Variants in LRP8 observed in about 807,000 individuals in gnomAD.
LRP8 encodes LDL receptor related protein 8, also known as low-density lipoprotein receptor-related protein 8.
Under a neutral mutation model 111.6 loss-of-function variants are expected in LRP8, and 46 were observed. The observed-to-expected ratio is 0.41, with a 90% CI of 0.33 to 0.53. The LOEUF (loss-of-function observed/expected upper bound fraction) is 0.53. LRP8 is among the 20% of genes least tolerant of loss of function. LRP8 has a pLI of 0.20. For synonymous variants in LRP8, 464 were observed against 511.2 expected (o/e 0.91, Z 1.24); for missense variants, 959 against 1,297.4 (o/e 0.74, Z 4.01).
Position 53,249,076 on chromosome 1 carries a change from C to G in LRP8, c.2853+304G>C, listed in dbSNP as rs927117039. Reference sequence around the variant, plus strand: ...CAAGCAACTATTTTTTTGGACTGGCCGAGGTTAAGGATCCTCAAGGCCATC... The same window carrying G: ...CAAGCAACTATTTTTTTGGACTGGCGGAGGTTAAGGATCCTCAAGGCCATC... On this transcript the variant is annotated intron_variant, in intron 18 of 18. Transcript: ENST00000306052. The surrounding 1 kb of genome is among the most constrained non-coding windows in gnomAD (Gnocchi z 4.1). 1.3e-5 allele frequency among the ~76,000 whole-genome samples: 2 copies of G among 152,108 alleles called. No individual in the cohort carries two copies. Among genetic ancestry groups the G allele is most frequent in the East Asian group, 3.9e-4 (2 of 5,190 alleles).
At chr1:53,319,396 C>T (rs1465405874) in intron 2 of LRP8, among the ~76,000 whole-genome samples, 5 of 152,184 alleles carry the variant, frequency 3.3e-5, no homozygotes, top group Admixed American at 2.6e-4. Flanking sequence ...TTCCAAGGGG[C>T]AGGCGTGTAG....
intron 16 of LRP8, among the ~76,000 whole-genome samples, chr1:53,252,734 A>G (rs943322794): frequency 1.3e-5 from 2 of 152,202 alleles, no homozygotes; most frequent in African/African-American, 4.8e-5. Context: ...TTAATATAAT[A>G]AAAAGGTATA....
chr1:53,326,696 T>A (rs2100559545), intron 2 of LRP8, among the ~76,000 whole-genome samples, 177 bp downstream of exon 2: 1 of 152,226 alleles, frequency 6.6e-6, no homozygotes, highest in Admixed American at 6.5e-5. Context: ...TCCGGGTCGC[T>A]AAGAGCCACC....
At chr1:53,300,048 G>A (rs920217660) in intron 2 of LRP8, among the ~76,000 whole-genome samples, 16 of 152,206 alleles carry the variant, frequency 1.1e-4, no homozygotes, top group East Asian at 3.9e-4. Flanking sequence ...AGTCCTCTCC[G>A]TAATCAAAGA....
chr1:53,250,614 A>G lies in LRP8; in HGVS notation c.2676+76T>C. ...GAGGGAAGAAAGGATGGGAAGGAAGAAAGGATGGGAGGGGAAGAAAGGATG... is the reference window on the plus strand; with the variant it reads ...GAGGGAAGAAAGGATGGGAAGGAAGGAAGGATGGGAGGGGAAGAAAGGATG... On this transcript the variant is annotated intron_variant, in intron 17 of 18. Transcript: ENST00000306052. This position sits in a 1 kb window ranked among gnomAD's most constrained non-coding sequence, Gnocchi z 4.6. 1 of 1,322,094 alleles carries G rather than the reference A, an allele frequency of 7.6e-7. No individual in the cohort carries two copies. Among genetic ancestry groups the G allele is most frequent in the South Asian group, 1.3e-5 (1 of 77,452 alleles). The allele number at this position is 1,322,094 out of a possible 1,614,324, so 81.9% of individuals were successfully genotyped here.
chr1:53,253,354 AT>A (rs1438619223), intron 16 of LRP8, among the ~76,000 whole-genome samples: 8 of 152,316 alleles, frequency 5.3e-5, no homozygotes, highest in Non-Finnish European at 1.2e-4. Flanking sequence ...TGTAACATAT[AT>A]TTTAAAGGTT....
At position 53,271,131 on chromosome 1, in the gene LRP8, T is replaced by G; in HGVS notation, c.1149A>C (p.Pro383=). 6.2e-7 allele frequency: 1 copy of G among 1,614,032 alleles called. No homozygotes were observed. The highest frequency in any genetic ancestry group is 1.6e-4 in the Middle Eastern group (1 of 6,062). Residue 383 remains proline (P), a synonymous_variant, in exon 8 of 19, where the codon CCA becomes CCC. Transcript: ENST00000306052. ...TGACACAGATCTGGCTGCAGGCATCTGGGTCCTTGCACTCATCAATGTCTG... is the reference window on the plus strand; with the variant it reads ...TGACACAGATCTGGCTGCAGGCATCGGGGTCCTTGCACTCATCAATGTCTG... ...TCGDIDECKD[P]DACSQICVNY...
intron 2 of LRP8, among the ~76,000 whole-genome samples, chr1:53,307,085 TA>T (rs908581612): frequency 5.3e-5 from 8 of 151,916 alleles, no homozygotes; most frequent in Non-Finnish European, 1.0e-4. Flanking sequence ...CAATACTGAG[TA>T]GGGGGGGTGG....
In LRP8 at chr1:53,317,641, C is replaced by CCT. The variant is rs1653978824; in HGVS notation, c.244+9231_244+9232insAG. ...CCATTCCCTGTGCAGGAATCACAGGCTCAGGAAGGGAAGGGAAACGCTCAT... is the reference window on the plus strand; with the variant it reads ...CCATTCCCTGTGCAGGAATCACAGGCCTTCAGGAAGGGAAGGGAAACGCTCAT... On this transcript the variant is annotated intron_variant, in intron 2 of 18. Transcript: ENST00000306052. This position sits in a 1 kb window ranked among gnomAD's most constrained non-coding sequence, Gnocchi z 4.9. Among the ~76,000 whole-genome samples the CCT allele has an allele frequency of 6.6e-6, 1 of 152,220 alleles. No homozygotes were observed. Among genetic ancestry groups the CCT allele is most frequent in the Non-Finnish European group, 1.5e-5 (1 of 68,038 alleles).
chr1:53,302,690 T>C (rs1651158393), intron 2 of LRP8, among the ~76,000 whole-genome samples: 1 of 141,824 alleles, frequency 7.1e-6, no homozygotes, highest in African/African-American at 2.7e-5. Context: ...CTTGGGCCAA[T>C]CAATGCCTTT....
intron 2 of LRP8, among the ~76,000 whole-genome samples, chr1:53,298,318 C>T (rs1228307148): frequency 2.0e-5 from 3 of 152,100 alleles, no homozygotes; most frequent in Non-Finnish European, 4.4e-5. Context: ...TTTGTGGTTG[C>T]AGGAGGTATT....
intron 6 of LRP8, 63 bp from the exon 7 acceptor site, chr1:53,271,409 G>T: frequency 6.2e-7 from 1 of 1,600,948 alleles, no homozygotes. Flanking sequence ...CAGGGCAGGG[G>T]TAGGACCTAG....
rs1363016172 is a variant in LRP8, at chr1:53,317,390, C to T, written c.244+9483G>A. On this transcript the variant is annotated intron_variant, in intron 2 of 18. Transcript: ENST00000306052. The surrounding 1 kb of genome is among the most constrained non-coding windows in gnomAD (Gnocchi z 4.9). ...AGGCCCGGCTGGCTAACCAGCCCCA[C>T]TGGGCCACTCAGGAAGCAGCCACCC... 6.6e-6 allele frequency among the ~76,000 whole-genome samples: 1 copy of T among 152,210 alleles called. No homozygotes were observed. The highest frequency in any genetic ancestry group is 6.5e-5 in the Admixed American group (1 of 15,288).
Position 53,262,199 on chromosome 1 carries a change from TCAG to T in LRP8, c.1780_1782del (p.Leu594del). 1.2e-6 allele frequency: 2 copies of T among 1,613,290 alleles called. No individual in the cohort carries two copies. The highest frequency in any genetic ancestry group is 1.7e-6 in the Non-Finnish European group (2 of 1,179,954). ...GAGTCTACCCAGTACAAGCGCTGGC[TCAG>T]CAGATCTTGGGAAGGAAGCAGGATC... On this transcript the variant is annotated inframe_deletion, in exon 12 of 19. Transcript: ENST00000306052. The surrounding 1 kb of genome is among the most constrained non-coding windows in gnomAD (Gnocchi z 4.8).
At chr1:53,300,612 C>T (rs1650630627) in intron 2 of LRP8, among the ~76,000 whole-genome samples, 1 of 152,230 alleles carries the variant, frequency 6.6e-6, no homozygotes, top group Non-Finnish European at 1.5e-5. Flanking sequence ...GAGCCATCCA[C>T]CAGACCGGAC....
intron 2 of LRP8, among the ~76,000 whole-genome samples, chr1:53,300,275 T>C (rs1260845163): frequency 1.3e-5 from 2 of 152,208 alleles, no homozygotes; most frequent in Admixed American, 1.3e-4. Flanking sequence ...GAAGCCCTTC[T>C]TCCACCTCCA....
chr1:53,298,273 G>C (rs1485392897), intron 2 of LRP8, among the ~76,000 whole-genome samples: 1 of 152,230 alleles, frequency 6.6e-6, no homozygotes, highest in East Asian at 1.9e-4. Flanking sequence ...GTCTCCGAGG[G>C]ACAGACCGAC....
chr1:53,326,707 C>T (rs1322918029), intron 2 of LRP8, among the ~76,000 whole-genome samples, 166 bp downstream of exon 2: 1 of 152,218 alleles, frequency 6.6e-6, no homozygotes, highest in African/African-American at 2.4e-5. Flanking sequence ...AAGAGCCACC[C>T]GGCCCCGAGG....
At chr1:53,264,129 C>T (rs1646454233) in intron 10 of LRP8, 40 bp downstream of exon 10, 3 of 1,589,216 alleles carry the variant, frequency 1.9e-6, no homozygotes, top group African/African-American at 1.3e-5. Context: ...GGACTGAGCA[C>T]CTATGGTGGG....
Sources: gnomAD v4.1 joint callset for allele counts (sites outside exome capture counted in the v4.1 genomes callset) on GRCh38, gnomAD v4.1.1 for gene constraint, Gnocchi (gnomAD v3.1) non-coding constraint, MANE v1.5 for transcripts, NCBI Gene and HGNC (gene_info 2026-07-23, HGNC 2026-07-21) for gene names.